The following PBX1 variants were observed in gnomAD, a reference collection of about 807,000 sequenced individuals.
The protein encoded by PBX1 is pre-B-cell leukemia transcription factor 1.
In PBX1, 6 loss-of-function variants were observed where a neutral mutation model predicts 53.4. That is an observed-to-expected ratio of 0.11 (90% CI 0.06 to 0.22). The LOEUF is 0.22. Ranked by LOEUF, PBX1 falls within the 10% of genes least tolerant of loss-of-function variation. The pLI is 1.00. For missense variants in PBX1, 251 were observed against 551.4 expected (o/e 0.46, Z 5.46); for synonymous variants, 204 against 212.3 (o/e 0.96, Z 0.34).
intron 2 of PBX1, chr1:164,680,917 CTATA>C (rs1461270631): frequency 6.6e-6 from 1 of 152,214 alleles, no homozygotes; most frequent in Non-Finnish European, 1.5e-5. Flanking sequence ...ATTCATAACT[CTATA>C]GACACTTACA....
At chr1:164,724,393 C>A (rs529563694) in intron 2 of PBX1, among the ~76,000 whole-genome samples, 2 of 152,260 alleles carry the variant, frequency 1.3e-5, no homozygotes, top group South Asian at 4.1e-4. Flanking sequence ...CTTTTGGCTT[C>A]CCTGGGCCAC....
At position 164,559,827 on chromosome 1, in the gene PBX1, A is replaced by G; in HGVS notation, c.5A>G (p.Asp2Gly). The change falls in exon 1 of 9, where the codon GAC becomes GGC. Residue 2 changes from aspartate to glycine, a missense_variant. Around this residue, in one of 4 missense-constraint regions of PBX1, gnomAD observed 63 missense variants for 78.7 expected, o/e 0.80. Coordinates refer to ENST00000420696, the MANE Select transcript of PBX1 (RefSeq NM_002585.4). ...GGGCTGCCGTAGCCTTTGGAGATGG[A>G]CGAGCAGCCCAGGCTGATGCATTCC... Reference protein sequence around the residue: MDEQPRLMHSHA... With the variant: MGEQPRLMHSHA... The G allele has an allele frequency of 1.3e-6, 2 of 1,545,584 alleles. No homozygotes were observed. Among genetic ancestry groups the G allele is most frequent in the Non-Finnish European group, 1.7e-6 (2 of 1,144,734 alleles).
In PBX1 at chr1:164,750,454, ATTCTCAATCAGAGCTTAAAAAAATT is replaced by A. The variant is rs533745481; in HGVS notation, c.266-42037_266-42013del. 7.3e-3 allele frequency among the ~76,000 whole-genome samples: 1,104 copies of A among 152,216 alleles called. 13 individuals carry two copies. The highest frequency in any genetic ancestry group is 0.025 in the African/African-American group (1,047 of 41,526). On this transcript the variant is annotated intron_variant, in intron 2 of 8. Transcript: ENST00000420696. ...ACTAGTTTCTTAGCAACTAAAATAA[ATTCTCAATCAGAGCTTAAAAAAATT>A]TTTTTTAAGCCCACAATAGAAAAAA...
At chr1:164,716,201 C>T (rs1241264235) in intron 2 of PBX1, among the ~76,000 whole-genome samples, 2 of 152,194 alleles carry the variant, frequency 1.3e-5, no homozygotes, top group African/African-American at 2.4e-5. Flanking sequence ...TGTCTGTACA[C>T]ACCACCCACT....
chr1:164,791,817 A>AT (rs1242423034), intron 2 of PBX1, among the ~76,000 whole-genome samples: 1 of 151,686 alleles, frequency 6.6e-6, no homozygotes, highest in African/African-American at 2.4e-5. Flanking sequence ...ATAAGATAGA[A>AT]TTTACCTTTT....
chr1:164,604,778 T>C (rs536413933), intron 2 of PBX1, among the ~76,000 whole-genome samples: 2 of 152,126 alleles, frequency 1.3e-5, no homozygotes, highest in East Asian at 3.9e-4. Flanking sequence ...GAGTCATTCT[T>C]TTGTGGCTTT....
At chr1:164,837,534 A>G (rs1200021492) in intron 8 of PBX1, among the ~76,000 whole-genome samples, 1 of 152,132 alleles carries the variant, frequency 6.6e-6, no homozygotes, top group Non-Finnish European at 1.5e-5. Flanking sequence ...GAAATTATGC[A>G]TGTTGTCGAA....
At position 164,566,312 on chromosome 1, in the gene PBX1, T is replaced by A. The variant is rs751154827; in HGVS notation, c.265+3001T>A. ...TTCTTGCTTCAGAATGTGGGTAGTT[T>A]TTATTCTGATACATTTTCGCTTTTA... On this transcript the variant is annotated intron_variant, in intron 2 of 8. Transcript: ENST00000420696. Among the ~76,000 whole-genome samples, 8 of 152,266 alleles carry A rather than the reference T, an allele frequency of 5.3e-5. 1 individual carries two copies. The highest frequency in any genetic ancestry group is 4.6e-4 in the Admixed American group (7 of 15,300).
chr1:164,809,537 G>C (rs1197787358), intron 5 of PBX1, among the ~76,000 whole-genome samples: 3 of 152,112 alleles, frequency 2.0e-5, no homozygotes, highest in East Asian at 3.9e-4. Flanking sequence ...TCAACTGTGG[G>C]ATCCTAGGGA....
At chr1:164,836,046 A>G (rs566038171) in intron 8 of PBX1, among the ~76,000 whole-genome samples, 2 of 152,284 alleles carry the variant, frequency 1.3e-5, no homozygotes, top group South Asian at 4.1e-4. Flanking sequence ...AAATAAATAA[A>G]TCCTTGGCTT....
rs1671687854 is a variant in PBX1, at chr1:164,848,718, T to C, written c.*2042T>C. 3 of 1,056,668 alleles carry C rather than the reference T, an allele frequency of 2.8e-6. No homozygotes were observed. Among genetic ancestry groups the C allele is most frequent in the Non-Finnish European group, 3.4e-6 (3 of 873,842 alleles). The allele number at this position is 1,056,668 out of a possible 1,614,324, so 65.5% of individuals were successfully genotyped here. A position where few individuals can be genotyped will look rare whatever the true frequency, so the allele number is the denominator to read the frequency against. On this transcript the variant is annotated 3_prime_UTR_variant, in exon 9 of 9. Coordinates refer to ENST00000420696, the MANE Select transcript of PBX1 (RefSeq NM_002585.4). ...TTGTACATACTTGGTCCCTGTCACATTGACTGCTTGGGAGGCTTCCAGGGA... is the reference window on the plus strand; with the variant it reads ...TTGTACATACTTGGTCCCTGTCACACTGACTGCTTGGGAGGCTTCCAGGGA...
chr1:164,867,710 C>T (rs1362193522), intron 2 of PBX1, among the ~76,000 whole-genome samples: 1 of 152,212 alleles, frequency 6.6e-6, no homozygotes, highest in Non-Finnish European at 1.5e-5. Context: ...CGGGAGGAGT[C>T]AGATGAGGTT....
intron 2 of PBX1, among the ~76,000 whole-genome samples, chr1:164,775,531 C>T (rs1381011957): frequency 1.3e-5 from 2 of 152,274 alleles, no homozygotes; most frequent in African/African-American, 4.8e-5. Flanking sequence ...CTCTGCCTAC[C>T]AGCCCATCTC....
rs1553209095 is a variant in PBX1, at chr1:164,571,871, T to TTGTATATA, written c.265+8562_265+8569dup. Among the ~76,000 whole-genome samples the TTGTATATA allele has an allele frequency of 3.7e-4, 22 of 59,966 alleles. No individual in the cohort carries two copies. The East Asian group carries it at 8.8e-3, about 24-fold the overall frequency. The allele number at this position is 59,966 out of a possible 152,430, so 39.3% of individuals were successfully genotyped here. On this transcript the variant is annotated intron_variant, in intron 2 of 8. Transcript: ENST00000420696. ...TATTTGATATACAAAAATCTGTACA[T>TTGTATATA]TGTATATATATATATATATATATAT...
chr1:164,746,142 T>A (rs2102179882), intron 2 of PBX1, among the ~76,000 whole-genome samples: 1 of 152,362 alleles, frequency 6.6e-6, no homozygotes. Flanking sequence ...GCTAGAAAAG[T>A]CAGCTTTTAA....
intron 4 of PBX1, 64 bp from the exon 5 acceptor site, chr1:164,807,478 C>G (rs910513443): frequency 6.4e-7 from 1 of 1,552,562 alleles, no homozygotes. Flanking sequence ...TAGATTTATT[C>G]TCTCCCATTT....
At chr1:164,581,848 A>G (rs542522300) in intron 2 of PBX1, among the ~76,000 whole-genome samples, 5 of 152,138 alleles carry the variant, frequency 3.3e-5, no homozygotes, top group African/African-American at 4.8e-5. Flanking sequence ...TTCAACGTCT[A>G]TTTTCAGTTT....
chr1:164,644,866 C>T (rs200457860), intron 2 of PBX1, among the ~76,000 whole-genome samples: 3 of 152,154 alleles, frequency 2.0e-5, no homozygotes, highest in Non-Finnish European at 2.9e-5. Flanking sequence ...TTGGGCTCTC[C>T]GTCTGGCAGA....
At chr1:164,604,282 T>A (rs181666805) in intron 2 of PBX1, among the ~76,000 whole-genome samples, 4 of 152,310 alleles carry the variant, frequency 2.6e-5, no homozygotes. Context: ...AGAAATGAAG[T>A]GACAAAGCCT....
Sources: allele counts gnomAD v4.1 joint callset (sites outside exome capture counted in the v4.1 genomes callset), GRCh38; gene constraint gnomAD v4.1.1; regional missense constraint gnomAD v4.1.1; transcripts MANE v1.5; gene names NCBI Gene and HGNC (gene_info 2026-07-23, HGNC 2026-07-21).